The following CNTN6 variants were observed in gnomAD, a reference collection of about 807,000 sequenced individuals.
CNTN6 encodes contactin-6.
CNTN6 carries 137 observed loss-of-function variants against 122.8 expected under a neutral mutation model. The observed-to-expected ratio is 1.12, with a 90% CI of 0.97 to 1.29. The LOEUF (loss-of-function observed/expected upper bound fraction) is 1.29. Among genes scored for constraint, CNTN6 ranks in the 50% most tolerant of loss-of-function variants. The pLI is 0.00. For synonymous variants in CNTN6, 570 were observed against 426.0 expected (o/e 1.34, Z -4.16); for missense variants, 1,634 against 1,223.4 (o/e 1.34, Z -5.01).
chr3:1,228,658 G>T (rs2094316791), intron 4 of CNTN6, among the ~76,000 whole-genome samples: 1 of 152,182 alleles, frequency 6.6e-6, no homozygotes, highest in African/African-American at 2.4e-5. Context: ...TATATCTGTT[G>T]ATGTGGATAA....
intron 1 of CNTN6, among the ~76,000 whole-genome samples, chr3:1,137,534 T>C (rs1403348084): frequency 3.3e-5 from 5 of 152,158 alleles, no homozygotes; most frequent in African/African-American, 1.2e-4. Flanking sequence ...GGTCATCTAG[T>C]TGAACTTCCT....
chr3:1,325,522 G>A (rs539354086), intron 8 of CNTN6, among the ~76,000 whole-genome samples: 12 of 151,902 alleles, frequency 7.9e-5, no homozygotes, highest in African/African-American at 2.4e-4. Context: ...TTTATTCCCT[G>A]GCCCTGTTCT....
intron 12 of CNTN6, among the ~76,000 whole-genome samples, chr3:1,364,616 A>G (rs1707950182): frequency 6.6e-6 from 1 of 151,924 alleles, no homozygotes; most frequent in Non-Finnish European, 1.5e-5. Context: ...AGATCATGAA[A>G]GGTAAGAGTG....
intron 4 of CNTN6, 120 bp from the exon 5 acceptor site, chr3:1,278,293 C>G: frequency 1.6e-6 from 1 of 637,620 alleles, no homozygotes; most frequent in Non-Finnish European, 2.6e-6. Flanking sequence ...ACTAAGTCTT[C>G]TGGTCAGCAA....
intron 1 of CNTN6, among the ~76,000 whole-genome samples, chr3:1,131,981 T>G (rs1303469204): frequency 6.6e-6 from 1 of 151,972 alleles, no homozygotes; most frequent in African/African-American, 2.4e-5. Context: ...AAAATACCAC[T>G]CTGGCCAGGA....
chr3:1,212,515 A>T (rs542797811), intron 2 of CNTN6, among the ~76,000 whole-genome samples: 1 of 151,074 alleles, frequency 6.6e-6, no homozygotes, highest in Non-Finnish European at 1.5e-5. Flanking sequence ...ATATATATAC[A>T]TATGTGTGTG....
At chr3:1,149,186 G>C (rs2092786707) in intron 2 of CNTN6, among the ~76,000 whole-genome samples, 3 of 152,086 alleles carry the variant, frequency 2.0e-5, no homozygotes. Flanking sequence ...TACAATCATA[G>C]AGTTCATAAT....
intron 1 of CNTN6, among the ~76,000 whole-genome samples, chr3:1,124,794 A>G (rs1387559): frequency 0.044 from 6,700 of 151,890 alleles, 502 homozygotes; most frequent in African/African-American, 0.15. Flanking sequence ...CTCCATGAAG[A>G]TTTTCTGACT....
chr3:1,274,017 C>T (rs753247285), intron 4 of CNTN6, among the ~76,000 whole-genome samples: 1 of 152,056 alleles, frequency 6.6e-6, no homozygotes, highest in Admixed American at 6.6e-5. Flanking sequence ...CTCATTACTC[C>T]TTTTTGACAG....
At chr3:1,137,558 T>C (rs1431178102) in intron 1 of CNTN6, among the ~76,000 whole-genome samples, 13 of 152,136 alleles carry the variant, frequency 8.5e-5, no homozygotes, top group Admixed American at 8.5e-4. Context: ...TGATCAGAAA[T>C]ATTATTTATA....
intron 11 of CNTN6, among the ~76,000 whole-genome samples, chr3:1,344,903 G>T (rs1425995270): frequency 6.6e-6 from 1 of 152,052 alleles, no homozygotes; most frequent in Non-Finnish European, 1.5e-5. Context: ...CCAGATTTAG[G>T]TTTGTTTCCT....
chr3:1,171,003 AG>A (rs1215579357), intron 2 of CNTN6, among the ~76,000 whole-genome samples: 1 of 152,218 alleles, frequency 6.6e-6, no homozygotes, highest in African/African-American at 2.4e-5. Flanking sequence ...TGACTGGGGT[AG>A]GGGTAGTGCC....
At chr3:1,384,812 C>CAT (rs60437325) in intron 19 of CNTN6, among the ~76,000 whole-genome samples, 3,262 of 118,380 alleles carry the variant, frequency 0.028, 164 homozygotes, top group Admixed American at 0.13. Flanking sequence ...CACACACACA[C>CAT]ATATATATAT....
At chr3:1,107,706 C>T (rs1328858272) in intron 1 of CNTN6, among the ~76,000 whole-genome samples, 1 of 151,998 alleles carries the variant, frequency 6.6e-6, no homozygotes, top group Non-Finnish European at 1.5e-5. Flanking sequence ...TGCCTTTCAG[C>T]TCTCATGGTA....
intron 4 of CNTN6, among the ~76,000 whole-genome samples, chr3:1,247,037 GTCTTTT>G (rs113209315): frequency 0.059 from 8,923 of 151,968 alleles, 345 homozygotes; most frequent in East Asian, 0.15. Context: ...CAATCTATTG[GTCTTTT>G]TCTTTTTGAG....
intron 7 of CNTN6, among the ~76,000 whole-genome samples, chr3:1,303,129 G>T (rs956215007): frequency 6.6e-6 from 1 of 151,876 alleles, no homozygotes; most frequent in African/African-American, 2.4e-5. Context: ...TCTTCTCTGT[G>T]CTTACATTAT....
At chr3:1,221,821 A>T (rs1466301243) in intron 3 of CNTN6, among the ~76,000 whole-genome samples, 1 of 152,198 alleles carries the variant, frequency 6.6e-6, no homozygotes, top group Non-Finnish European at 1.5e-5. Flanking sequence ...TTTGGGTTTT[A>T]AAACCTTTTT....
intron 2 of CNTN6, among the ~76,000 whole-genome samples, chr3:1,151,086 A>G (rs2092832267): frequency 6.6e-6 from 1 of 152,090 alleles, no homozygotes; most frequent in Non-Finnish European, 1.5e-5. Flanking sequence ...CCCATTTTGG[A>G]CTTCTGACCT....
chr3:1,346,194 G>C (rs1308252606), intron 11 of CNTN6, among the ~76,000 whole-genome samples: 2 of 152,122 alleles, frequency 1.3e-5, no homozygotes, highest in Middle Eastern at 3.2e-3. Context: ...GACAAAAAAG[G>C]ATGTGAATGT....
Sources: allele counts gnomAD v4.1 joint callset (sites outside exome capture counted in the v4.1 genomes callset), GRCh38; gene constraint gnomAD v4.1.1; transcripts MANE v1.5; gene names NCBI Gene and HGNC (gene_info 2026-07-23, HGNC 2026-07-21).